RBM39: variants seen among roughly 807,000 people sequenced by gnomAD.
RBM39 encodes the protein RNA-binding protein 39.
A neutral mutation model predicts 79.6 loss-of-function variants in RBM39; 12 were observed. The observed-to-expected ratio is 0.15, with a 90% CI of 0.10 to 0.24. The LOEUF (loss-of-function observed/expected upper bound fraction) is 0.24, where lower values mean the gene tolerates loss of function less well. RBM39 is among the 10% of genes least tolerant of loss of function. The pLI, the probability that RBM39 is intolerant of heterozygous loss-of-function variation, is 1.00. For synonymous variants in RBM39, 185 were observed against 208.4 expected, an observed-to-expected ratio of 0.89 and a Z score of 0.97; for missense variants, 243 against 653.4, an observed-to-expected ratio of 0.37 and a Z score of 6.85.
intron 10 of RBM39, among the ~76,000 whole-genome samples, chr20:35,716,222 C>T (rs2146551090): frequency 6.6e-6 from 1 of 152,190 alleles, no homozygotes; most frequent in African/African-American, 2.4e-5. Flanking sequence ...TACAGTTGAG[C>T]ACCACCATGC....
At chr20:35,732,751 T>C (rs983471292) in intron 3 of RBM39, 3 of 152,636 alleles carry the variant, frequency 2.0e-5, no homozygotes, top group Admixed American at 6.5e-5. Flanking sequence ...AACCTTTAAA[T>C]AGTTTGTCAT....
chr20:35,723,109 G>A (rs955353643), intron 8 of RBM39, among the ~76,000 whole-genome samples: 5 of 151,932 alleles, frequency 3.3e-5, no homozygotes, highest in Non-Finnish European at 7.4e-5. Context: ...ATACTCTTGA[G>A]ATTGGTATAA....
intron 9 of RBM39, among the ~76,000 whole-genome samples, 163 bp from the exon 10 acceptor site, chr20:35,716,968 A>G (rs565409564): frequency 3.1e-4 from 47 of 152,094 alleles, no homozygotes; most frequent in Admixed American, 2.6e-3. Flanking sequence ...TCTAGAAACT[A>G]TAATTTTATA....
At chr20:35,719,052 G>A (rs2425094) in intron 9 of RBM39, among the ~76,000 whole-genome samples, 28,401 of 151,996 alleles carry the variant, frequency 0.19, 3,057 homozygotes, top group African/African-American at 0.31. Flanking sequence ...GGCACTTAAT[G>A]CATACTAATT....
rs545816033 is a variant in RBM39, at chr20:35,721,494, G to A, written c.825+246C>T. ...ATGAGCCACCATGCCCAGCCAATGT[G>A]GACTTTTTATTAACTCTAATACCCA... On this transcript the variant is annotated intron_variant, in intron 9 of 16. Transcript: ENST00000253363. Among the ~76,000 whole-genome samples the A allele has an allele frequency of 1.2e-3, 182 of 152,134 alleles. 2 individuals are homozygous for A. Among genetic ancestry groups the A allele is most frequent in the African/African-American group, 4.2e-3 (176 of 41,498 alleles).
intron 6 of RBM39, among the ~76,000 whole-genome samples, chr20:35,727,219 T>C (rs1431088728): frequency 6.6e-6 from 1 of 151,918 alleles, no homozygotes; most frequent in African/African-American, 2.4e-5. Flanking sequence ...GCATGGTGGC[T>C]GCACCTATAG....
chr20:35,720,598 T>C (rs1224151078), intron 9 of RBM39, among the ~76,000 whole-genome samples: 1 of 147,722 alleles, frequency 6.8e-6, no homozygotes, highest in Admixed American at 6.7e-5. Flanking sequence ...GGTAAAGCCC[T>C]GTCTCTAAAA....
chr20:35,723,230 C>CAA (rs200651582), intron 8 of RBM39, among the ~76,000 whole-genome samples: 9 of 123,138 alleles, frequency 7.3e-5, no homozygotes, highest in East Asian at 4.7e-4. Context: ...AAGATCGCCT[C>CAA]AAAAAAAAAA....
At chr20:35,739,235 T>A in intron 2 of RBM39, 3 of 579,580 alleles carry the variant, frequency 5.2e-6, no homozygotes, top group South Asian at 2.0e-5. Flanking sequence ...AATAAAAAAA[T>A]TTTCCATATT....
chr20:35,718,903 C>T (rs1335038730), intron 9 of RBM39, among the ~76,000 whole-genome samples: 1 of 151,190 alleles, frequency 6.6e-6, no homozygotes, highest in Non-Finnish European at 1.5e-5. Flanking sequence ...TTGCTTGAAC[C>T]TGGGAGGCAG....
rs1227332974 is a variant in RBM39, at chr20:35,704,288, A to G, written c.*193T>C. 2.1e-6 allele frequency: 1 copy of G among 480,288 alleles called. No homozygotes were observed. Among genetic ancestry groups the G allele is most frequent in the Non-Finnish European group, 3.7e-6 (1 of 269,428 alleles). 29.8% of individuals were successfully genotyped at this position (480,288 alleles called of 1,614,324 possible). On this transcript the variant is annotated 3_prime_UTR_variant, in exon 17 of 17. Transcript: ENST00000253363. The stretch of plus-strand genomic sequence containing the variant: ...AGAACAAGAGAACAGTTTTGTATAC[A>G]GTGGGATTTACTATTTAGGGAGAAT...
rs937914441 is a variant in RBM39, at chr20:35,702,593, A to C, written c.*1888T>G. The stretch of plus-strand genomic sequence containing the variant: ...GATACTTTGGAAAAAGAGCACACTG[A>C]CAGAGTGTCTCTGCCCCAAAGAACT... On this transcript the variant is annotated 3_prime_UTR_variant, in exon 17 of 17. Transcript: ENST00000253363. The C allele has an allele frequency of 2.0e-5, 3 of 152,258 alleles. No individual in the cohort carries two copies. The highest frequency in any genetic ancestry group is 4.4e-5 in the Non-Finnish European group (3 of 68,062). The allele number at this position is 152,258 out of a possible 1,614,324, so 9.4% of individuals were successfully genotyped here.
At chr20:35,739,097 T>A in intron 2 of RBM39, 80 bp from the exon 3 acceptor site, 1 of 1,172,018 alleles carries the variant, frequency 8.5e-7, no homozygotes, top group Non-Finnish European at 1.3e-6. Flanking sequence ...GGAACAGGAA[T>A]AAGAAAATAC....
chr20:35,731,921 T>C lies in RBM39; in HGVS notation c.296+20A>G, dbSNP rs757727620. The C allele has an allele frequency of 2.5e-6, 4 of 1,607,768 alleles. No homozygotes were observed. Among genetic ancestry groups the C allele is most frequent in the South Asian group, 1.1e-5 (1 of 90,468 alleles). On this transcript the variant is annotated intron_variant, in intron 4 of 16. Transcript: ENST00000253363. ...CCAGAGAATAACCCTCAAACCAAAA[T>C]CATAACTATAGTTACATACTAAGGA...
chr20:35,741,030 C>CTTTTTTTTTTTTTTTTTTTTTTTTTTTTT (rs572102658), intron 1 of RBM39, 143 bp from the exon 2 acceptor site: 1 of 118,628 alleles, frequency 8.4e-6, no homozygotes, highest in Non-Finnish European at 1.5e-5. Flanking sequence ...AAACATTTTT[C>CTTTTTTTTTTTTTTTTTTTTTTTTTTTTT]TTTTTTTTTT....
At chr20:35,725,806 G>C (rs1293381981) in intron 6 of RBM39, among the ~76,000 whole-genome samples, 1 of 151,790 alleles carries the variant, frequency 6.6e-6, no homozygotes, top group African/African-American at 2.4e-5. Flanking sequence ...TGGGACTACA[G>C]GCGCCTGCCA....
chr20:35,740,923 T>C (rs761600237), intron 1 of RBM39, 36 bp from the exon 2 acceptor site: 1 of 1,490,458 alleles, frequency 6.7e-7, no homozygotes, highest in South Asian at 1.2e-5. Flanking sequence ...TGAGTAAACA[T>C]TTCTCTTACA....
Position 35,721,886 on chromosome 20 carries a change from CA to C in RBM39, c.688-10del, listed in dbSNP as rs1569027181. 2 of 1,612,094 alleles carry C rather than the reference CA, an allele frequency of 1.2e-6. No individual in the cohort carries two copies. The highest frequency in any genetic ancestry group is 3.3e-5 in the Admixed American group (2 of 59,966). ...GCTCTGTTTTTTTCTGCCTAGAAGA[CA>C]AAATACACGTCACACAGAGATAACA... On this transcript the variant is annotated splice_polypyrimidine_tract_variant and intron_variant, in intron 8 of 16. Coordinates refer to ENST00000253363, the MANE Select transcript of RBM39 (RefSeq NM_184234.3).
intron 6 of RBM39, among the ~76,000 whole-genome samples, chr20:35,725,411 G>C (rs1018277170): frequency 1.3e-5 from 2 of 152,072 alleles, no homozygotes; most frequent in African/African-American, 4.8e-5. Context: ...TGCTGCACAA[G>C]TTGGTCTTGA....
Sources: allele counts gnomAD v4.1 joint callset (sites outside exome capture counted in the v4.1 genomes callset), GRCh38; gene constraint gnomAD v4.1.1; transcripts MANE v1.5; gene names NCBI Gene and HGNC (gene_info 2026-07-23, HGNC 2026-07-21).